PCDHA1: variants seen among roughly 807,000 people sequenced by gnomAD.
PCDHA1 encodes the protein protocadherin alpha 1, also known as protocadherin alpha-1.
Under a neutral mutation model 61.3 loss-of-function variants are expected in PCDHA1, and 42 were observed. The ratio of observed to expected loss-of-function variants is 0.69; its 90% CI spans 0.54 to 0.89. The LOEUF is 0.89. Among genes scored for constraint, PCDHA1 ranks in the 40% least tolerant of loss-of-function variants. PCDHA1 has a pLI of 0.00. For synonymous variants in PCDHA1, 610 were observed against 553.8 expected (o/e 1.10, Z -1.43); for missense variants, 1,256 against 1,235.3 (o/e 1.02, Z -0.25).
rs3822348 is a variant in PCDHA1, at chr5:140,807,476, C to G, written c.2394+18792C>G. On this transcript the variant is annotated intron_variant, in intron 1 of 3. Transcript: ENST00000504120. ...TCGGATCGACCGGGAGGAGCTGTGC[C>G]GGCGGAGCGCGGAGTGCAGCATCCA... 2.7e-4 allele frequency: 443 copies of G among 1,612,944 alleles called. 2 individuals are homozygous for G. In the East Asian group the frequency reaches 8.6e-3, roughly 31 times the overall value.
intron 1 of PCDHA1, chr5:140,884,397 T>C: frequency 6.2e-7 from 1 of 1,613,992 alleles, no homozygotes; most frequent in South Asian, 1.1e-5. Flanking sequence ...GTGTCCAGCC[T>C]GTTGGTGCTC....
chr5:140,941,245 TTCTTTCTTTC>T (rs1379125224), intron 1 of PCDHA1, among the ~76,000 whole-genome samples: 44 of 140,720 alleles, frequency 3.1e-4, no homozygotes, highest in Middle Eastern at 3.3e-3. Context: ...CTTTCTTTCT[TTCTTTCTTTC>T]TCTTTCTTTC....
rs550257645 is a variant in PCDHA1 at position 140,858,423 on chromosome 5, A to G, written c.2394+69739A>G. 7.3e-5 allele frequency: 113 copies of G among 1,554,520 alleles called. 7 individuals carry two copies. In the South Asian group the frequency reaches 1.0e-3, roughly 14 times the overall value. On this transcript the variant is annotated intron_variant, in intron 1 of 3. Coordinates refer to ENST00000504120, the MANE Select transcript of PCDHA1 (RefSeq NM_018900.4). ...GGGGAAGATCAGTCTATTGGAGGGG[A>G]CCACTCTAGGAAGGTGGGTTATTAC...
chr5:140,979,949 A>G (rs1554241287), intron 2 of PCDHA1, among the ~76,000 whole-genome samples: 2 of 152,248 alleles, frequency 1.3e-5, no homozygotes, highest in African/African-American at 4.8e-5. Context: ...TTAATGTGAA[A>G]TTAGTTTTAG....
At chr5:140,895,880 C>T (rs564030159) in intron 1 of PCDHA1, among the ~76,000 whole-genome samples, 4 of 152,240 alleles carry the variant, frequency 2.6e-5, no homozygotes, top group East Asian at 3.9e-4. Flanking sequence ...GGCGCGATCT[C>T]GGCTCACTGC....
intron 1 of PCDHA1, among the ~76,000 whole-genome samples, chr5:140,943,086 G>A (rs1384084328): frequency 6.6e-6 from 1 of 151,632 alleles, no homozygotes; most frequent in African/African-American, 2.4e-5. Flanking sequence ...GTGAAATCCT[G>A]CCTCTACTAA....
intron 1 of PCDHA1, chr5:140,822,342 C>T (rs1767281192): frequency 6.2e-7 from 1 of 1,613,952 alleles, no homozygotes; most frequent in Admixed American, 1.7e-5. Context: ...AAGAAACGAA[C>T]TTTTTAGAGC....
chr5:140,849,774 G>T (rs2150449369), intron 1 of PCDHA1: 2 of 1,598,482 alleles, frequency 1.3e-6, no homozygotes, highest in East Asian at 4.5e-5. Context: ...GGTGGTTACC[G>T]CGCGGGACGG....
chr5:140,855,941 C>A, intron 1 of PCDHA1: 1 of 1,328,220 alleles, frequency 7.5e-7, no homozygotes, highest in South Asian at 1.4e-5. Flanking sequence ...TCTGAGATCT[C>A]AGCCATTTCG....
chr5:140,801,794 T>A (rs1439840316), intron 1 of PCDHA1: 4 of 1,613,862 alleles, frequency 2.5e-6, no homozygotes, highest in Non-Finnish European at 3.4e-6. Flanking sequence ...TGAAAAAAAA[T>A]TTAAATCGAG....
chr5:140,851,489 T>A, intron 1 of PCDHA1: 1 of 887,850 alleles, frequency 1.1e-6, no homozygotes, highest in Admixed American at 6.3e-5. Context: ...AACACAGCCT[T>A]CATTTCAACT....
chr5:140,822,953 C>G (rs2150120717), intron 1 of PCDHA1: 1 of 1,614,236 alleles, frequency 6.2e-7, no homozygotes, highest in East Asian at 2.2e-5. Context: ...CCCCACGTTC[C>G]CTTCAAGCTG....
At chr5:140,884,607 T>C (rs1554181780) in intron 1 of PCDHA1, 1 of 1,614,044 alleles carries the variant, frequency 6.2e-7, no homozygotes, top group Non-Finnish European at 8.5e-7. Flanking sequence ...CCTCCTTGTC[T>C]GGGTTCTGCA....
At chr5:140,850,588 T>A in intron 1 of PCDHA1, 1 of 1,598,352 alleles carries the variant, frequency 6.3e-7, no homozygotes, top group South Asian at 1.1e-5. Flanking sequence ...GATGTCAACG[T>A]GTACCTGATC....
chr5:140,795,433 G>T (rs1204251314), intron 1 of PCDHA1: 2 of 1,614,106 alleles, frequency 1.2e-6, no homozygotes, highest in African/African-American at 2.7e-5. Flanking sequence ...TCTAGAGGGA[G>T]CATCTGATGC....
In PCDHA1 at chr5:140,844,771, C is replaced by A. The variant is rs1035379460; in HGVS notation, c.2394+56087C>A. 3.4e-5 allele frequency among the ~76,000 whole-genome samples: 5 copies of A among 149,070 alleles called. 1 individual carries two copies. Among genetic ancestry groups the A allele is most frequent in the African/African-American group, 7.4e-5 (3 of 40,720 alleles). On this transcript the variant is annotated intron_variant, in intron 1 of 3. Coordinates refer to ENST00000504120, the MANE Select transcript of PCDHA1 (RefSeq NM_018900.4). Reference sequence around the variant, plus strand: ...ATAAATCTTTGAAAAATCCAAGATACTTTATTTTGGTATCTTTCAACATTT... The same window carrying A: ...ATAAATCTTTGAAAAATCCAAGATAATTTATTTTGGTATCTTTCAACATTT...
intron 1 of PCDHA1, among the ~76,000 whole-genome samples, chr5:140,944,732 G>A (rs1351639657): frequency 6.6e-6 from 1 of 152,142 alleles, no homozygotes; most frequent in Non-Finnish European, 1.5e-5. Context: ...ACCTTAGTAA[G>A]TCTGAGCATT....
chr5:140,907,087 G>A (rs1554192866), intron 1 of PCDHA1, among the ~76,000 whole-genome samples: 2 of 152,194 alleles, frequency 1.3e-5, no homozygotes, highest in Non-Finnish European at 2.9e-5. Flanking sequence ...GTGATGGTAA[G>A]TGGTGCCACT....
chr5:141,001,764 G>A (rs1186356180), intron 3 of PCDHA1, among the ~76,000 whole-genome samples: 1 of 152,160 alleles, frequency 6.6e-6, no homozygotes, highest in East Asian at 1.9e-4. Context: ...GATGGCGGAT[G>A]GTTTTTGCCT....
Sources: gnomAD v4.1 joint callset for allele counts (sites outside exome capture counted in the v4.1 genomes callset) on GRCh38, gnomAD v4.1.1 for gene constraint, MANE v1.5 for transcripts, NCBI Gene and HGNC (gene_info 2026-07-23, HGNC 2026-07-21) for gene names.